The following FGF9 variants were observed in gnomAD, a reference collection of about 807,000 sequenced individuals.
FGF9 encodes fibroblast growth factor 9 (glia-activating factor).
FGF9 carries 3 observed loss-of-function variants against 19.9 expected under a neutral mutation model. That is an observed-to-expected ratio of 0.15 (90% CI 0.07 to 0.39). The LOEUF is 0.39. Ranked by LOEUF, FGF9 falls within the 10% of genes least tolerant of loss-of-function variation. The probability of loss-of-function intolerance (pLI) is 1.00; values close to 1 mark genes in which losing one functional copy is unlikely to be tolerated. For missense variants in FGF9, 175 were observed against 256.8 expected, an observed-to-expected ratio of 0.68 and a Z score of 2.18; for synonymous variants, 107 against 106.9, an observed-to-expected ratio of 1.00 and a Z score of -0.01.
chr13:21,673,240 C>A (rs890967467), intron 1 of FGF9, among the ~76,000 whole-genome samples: 7 of 152,126 alleles, frequency 4.6e-5, no homozygotes, highest in African/African-American at 1.7e-4. Context: ...AACACTTAAA[C>A]TAGGTCGTAA....
intron 1 of FGF9, among the ~76,000 whole-genome samples, chr13:21,678,939 T>G (rs1871976686): frequency 6.6e-6 from 1 of 152,204 alleles, no homozygotes; most frequent in African/African-American, 2.4e-5. Flanking sequence ...ATGTGACTGC[T>G]AATAATAATA....
chr13:21,681,775 G>T (rs897404579), intron 2 of FGF9, among the ~76,000 whole-genome samples: 30 of 152,210 alleles, frequency 2.0e-4, no homozygotes, highest in African/African-American at 7.0e-4. Flanking sequence ...GTGCTGAGGT[G>T]TGAATGAGAC....
intron 1 of FGF9, among the ~76,000 whole-genome samples, chr13:21,675,682 G>A (rs1351968701): frequency 1.3e-5 from 2 of 152,198 alleles, no homozygotes; most frequent in Admixed American, 6.5e-5. Context: ...TAGGTGGGGG[G>A]TGCGGTGGGT....
chr13:21,693,177 A>G (rs141666696), intron 2 of FGF9, among the ~76,000 whole-genome samples: 91 of 152,308 alleles, frequency 6.0e-4, no homozygotes, highest in African/African-American at 2.2e-3. Flanking sequence ...ATAGCCCACC[A>G]CAGTGTTGAG....
In FGF9 at chr13:21,687,090, T is replaced by A. The variant is rs576977889; in HGVS notation, c.381+5945T>A. 3.9e-5 allele frequency among the ~76,000 whole-genome samples: 6 copies of A among 152,340 alleles called. No individual in the cohort carries two copies. In the South Asian group the frequency reaches 1.2e-3, roughly 32 times the overall value. On this transcript the variant is annotated intron_variant, in intron 2 of 2. Coordinates refer to ENST00000382353, the MANE Select transcript of FGF9 (RefSeq NM_002010.3). ...CAGGGCCCTGGTTTATATGGCTCCA[T>A]GTAATCAGTAACCAAGGTATGATGG...
chr13:21,688,483 C>T (rs1872211141), intron 2 of FGF9, among the ~76,000 whole-genome samples: 1 of 152,154 alleles, frequency 6.6e-6, no homozygotes, highest in Non-Finnish European at 1.5e-5. Context: ...ATGACTGAGT[C>T]CATACATCGT....
At chr13:21,676,828 G>T (rs1370485968) in intron 1 of FGF9, among the ~76,000 whole-genome samples, 3 of 152,210 alleles carry the variant, frequency 2.0e-5, no homozygotes, top group Non-Finnish European at 4.4e-5. Context: ...CTCTCCCACT[G>T]CCTTGCCTGG....
At chr13:21,674,724 C>T (rs1471742390) in intron 1 of FGF9, among the ~76,000 whole-genome samples, 1 of 150,870 alleles carries the variant, frequency 6.6e-6, no homozygotes, top group Non-Finnish European at 1.5e-5. Flanking sequence ...TTTTTTGATG[C>T]AGTCACCTTT....
intron 2 of FGF9, among the ~76,000 whole-genome samples, chr13:21,683,751 C>T (rs373215764): frequency 3.9e-5 from 6 of 152,216 alleles, no homozygotes; most frequent in Admixed American, 2.0e-4. Context: ...GCTTTCCTTG[C>T]GGAAACGTCT....
intron 1 of FGF9, among the ~76,000 whole-genome samples, chr13:21,678,155 T>C (rs1399024995): frequency 6.6e-6 from 1 of 152,220 alleles, no homozygotes; most frequent in Non-Finnish European, 1.5e-5. Flanking sequence ...TAATAGCTTC[T>C]TGAATGAAAA....
At chr13:21,686,045 G>A (rs1226062761) in intron 2 of FGF9, among the ~76,000 whole-genome samples, 1 of 152,164 alleles carries the variant, frequency 6.6e-6, no homozygotes, top group Non-Finnish European at 1.5e-5. Context: ...AACTGTTTGA[G>A]TATTATAAAA....
intron 2 of FGF9, among the ~76,000 whole-genome samples, chr13:21,695,062 ATGTGTGCGTGTGTG>A (rs1360192248): frequency 8.0e-5 from 12 of 149,518 alleles, no homozygotes; most frequent in Admixed American, 1.3e-4. Context: ...AGCACTGAAG[ATGTGTGCGTGTGTG>A]TGTGTGCGTG....
intron 2 of FGF9, among the ~76,000 whole-genome samples, chr13:21,692,288 CCTT>C (rs1872310902): frequency 6.6e-6 from 1 of 152,134 alleles, no homozygotes; most frequent in Non-Finnish European, 1.5e-5. Context: ...CCTTTTCCCC[CCTT>C]CTTTCGTTTT....
rs531775824 is a variant in FGF9 at position 21,694,727 on chromosome 13, G to C, written c.382-6463G>C. On this transcript the variant is annotated intron_variant, in intron 2 of 2. Coordinates refer to ENST00000382353, the MANE Select transcript of FGF9 (RefSeq NM_002010.3). ...GATGTTGTAAGATGTTAAATTTGAT[G>C]AATTTTTCCTGTAGGTTTGTTTATG... 3.9e-5 allele frequency among the ~76,000 whole-genome samples: 6 copies of C among 151,962 alleles called. No individual in the cohort carries two copies. The South Asian group carries it at 1.2e-3, about 32-fold the overall frequency.
intron 2 of FGF9, among the ~76,000 whole-genome samples, chr13:21,685,412 A>G (rs77332200): frequency 6.6e-6 from 1 of 152,168 alleles, no homozygotes; most frequent in African/African-American, 2.4e-5. Context: ...AAAAGGTCAG[A>G]GGTAAATGGG....
At chr13:21,675,183 C>A (rs1871882082) in intron 1 of FGF9, among the ~76,000 whole-genome samples, 1 of 151,862 alleles carries the variant, frequency 6.6e-6, no homozygotes, top group Non-Finnish European at 1.5e-5. Context: ...TCCGCTGTGC[C>A]ACTCACTCTG....
At position 21,681,271 on chromosome 13, in the gene FGF9, C is replaced by A. The variant is rs1392314684; in HGVS notation, c.381+126C>A. The A allele has an allele frequency of 4.1e-6, 3 of 729,006 alleles. No individual in the cohort carries two copies. In the Admixed American group the frequency reaches 7.2e-5, roughly 17 times the overall value. The allele number at this position is 729,006 out of a possible 1,614,324, so 45.2% of individuals were successfully genotyped here. A position where few individuals can be genotyped will look rare whatever the true frequency, so the allele number is the denominator to read the frequency against. The stretch of plus-strand genomic sequence containing the variant: ...TTTGGAAGGCGAGTGTAAGTTTTTA[C>A]TTTTTGAGGAAAGCCATTTTATTTT... On this transcript the variant is annotated intron_variant, in intron 2 of 2. Coordinates refer to ENST00000382353, the MANE Select transcript of FGF9 (RefSeq NM_002010.3).
chr13:21,689,540 A>G (rs1872240163), intron 2 of FGF9, among the ~76,000 whole-genome samples: 1 of 152,086 alleles, frequency 6.6e-6, no homozygotes, highest in Non-Finnish European at 1.5e-5. Flanking sequence ...GGAGGAGTTG[A>G]CATGTAGACC....
At chr13:21,686,972 C>T (rs1472408281) in intron 2 of FGF9, among the ~76,000 whole-genome samples, 1 of 152,170 alleles carries the variant, frequency 6.6e-6, no homozygotes, top group Non-Finnish European at 1.5e-5. Flanking sequence ...TGCCTCAGAC[C>T]AGTACTTTGC....
Sources: allele counts gnomAD v4.1 joint callset (sites outside exome capture counted in the v4.1 genomes callset), GRCh38; gene constraint gnomAD v4.1.1; transcripts MANE v1.5; gene names NCBI Gene and HGNC (gene_info 2026-07-23, HGNC 2026-07-21).